The following PDIA6 variants were observed in gnomAD, a reference collection of about 807,000 sequenced individuals.
PDIA6 encodes protein disulfide-isomerase A6.
In PDIA6, 29 loss-of-function variants were observed where a neutral mutation model predicts 58.4. The ratio of observed to expected loss-of-function variants is 0.50; its 90% CI spans 0.37 to 0.68. The LOEUF is 0.68. PDIA6 is among the 30% of genes least tolerant of loss of function. The pLI is 0.00. For synonymous variants in PDIA6, 192 were observed against 202.6 expected, an observed-to-expected ratio of 0.95 and a Z score of 0.44; for missense variants, 480 against 551.0, an observed-to-expected ratio of 0.87 and a Z score of 1.29.
At chr2:10,787,878 A>G (rs1665847459) in intron 10 of PDIA6, among the ~76,000 whole-genome samples, 1 of 152,120 alleles carries the variant, frequency 6.6e-6, no homozygotes, top group African/African-American at 2.4e-5. Context: ...CAGCCTGACC[A>G]ATATGGTGCA....
upstream of PDIA6, among the ~76,000 whole-genome samples, chr2:10,835,775 G>A (rs1441204778): frequency 1.3e-5 from 2 of 152,208 alleles, no homozygotes; most frequent in Admixed American, 1.3e-4. Flanking sequence ...GAGGGGGCCG[G>A]GCGCGGTGGC....
At chr2:10,797,786 CA>C (rs1438262248) in intron 2 of PDIA6, 29 bp from the exon 3 acceptor site, 22 of 1,563,700 alleles carry the variant, frequency 1.4e-5, no homozygotes, top group Non-Finnish European at 1.7e-5. Context: ...ACAAAGCAAC[CA>C]TTAAAGCCTT....
upstream of PDIA6, among the ~76,000 whole-genome samples, chr2:10,813,006 G>C (rs1434575713): frequency 1.3e-5 from 2 of 152,128 alleles, no homozygotes; most frequent in Non-Finnish European, 2.9e-5. Flanking sequence ...GGCAGTCTCG[G>C]CTCGCACCGC....
chr2:10,787,457 T>C lies in PDIA6; in HGVS notation c.999-18A>G, dbSNP rs775898895. 6.3e-7 allele frequency: 1 copy of C among 1,599,432 alleles called. No homozygotes were observed. The highest frequency in any genetic ancestry group is 1.1e-5 in the South Asian group (1 of 89,154). On this transcript the variant is annotated intron_variant, in intron 10 of 12. Transcript: ENST00000272227. ...ACAGCCACCTAGAAAACCAGACTGG[T>C]TTTTAGGGCAAATATGTCTTTTAAA...
chr2:10,795,288 T>A (rs1455799704), intron 4 of PDIA6, among the ~76,000 whole-genome samples: 1 of 152,192 alleles, frequency 6.6e-6, no homozygotes, highest in Non-Finnish European at 1.5e-5. Flanking sequence ...TGTGTTCCAA[T>A]AAACTAAATT....
intron 1 of PDIA6, among the ~76,000 whole-genome samples, chr2:10,831,073 C>T (rs1406594349): frequency 6.6e-6 from 1 of 152,214 alleles, no homozygotes; most frequent in Non-Finnish European, 1.5e-5. Context: ...CTGCTTCCAG[C>T]CGCTGGTGAG....
chr2:10,812,934 T>A, upstream of PDIA6: 1 of 875,956 alleles, frequency 1.1e-6, no homozygotes, highest in South Asian at 6.0e-5. Flanking sequence ...GTTACCGGTT[T>A]GGTTTTTTTT....
rs1394529616 is a variant in PDIA6, at chr2:10,787,453, C to T, written c.999-14G>A. 2 of 1,603,920 alleles carry T rather than the reference C, an allele frequency of 1.2e-6. No individual in the cohort carries two copies. The highest frequency in any genetic ancestry group is 4.5e-5 in the East Asian group (2 of 44,704). On this transcript the variant is annotated splice_polypyrimidine_tract_variant and intron_variant, in intron 10 of 12. Transcript: ENST00000272227. Reference sequence around the variant, plus strand: ...GTCCACAGCCACCTAGAAAACCAGACTGGTTTTTAGGGCAAATATGTCTTT... The same window carrying T: ...GTCCACAGCCACCTAGAAAACCAGATTGGTTTTTAGGGCAAATATGTCTTT...
chr2:10,810,599 T>G (rs1335755723), intron 1 of PDIA6, among the ~76,000 whole-genome samples: 1 of 152,088 alleles, frequency 6.6e-6, no homozygotes, highest in Non-Finnish European at 1.5e-5. Flanking sequence ...CCTCCTCTGC[T>G]TGTACACGGC....
intron 4 of PDIA6, among the ~76,000 whole-genome samples, chr2:10,796,590 G>T (rs1263846716): frequency 6.6e-6 from 1 of 151,832 alleles, no homozygotes; most frequent in African/African-American, 2.4e-5. Flanking sequence ...TCTTTCTTTA[G>T]TTGCCTCAGT....
chr2:10,787,332 A>T lies in PDIA6; in HGVS notation c.1106T>A (p.Phe369Tyr), dbSNP rs1328452201. ...MAAINARKMKFALLKGSFSEQ... is the reference protein window; with the variant it reads ...MAAINARKMKYALLKGSFSEQ... ...ACTGAAGGAGCCTTTTAGCAGAGCA[A>T]ATTTCATCTTGCGTGCATTGATGGC... Residue 369 changes from phenylalanine (F) to tyrosine (Y), a missense_variant, in exon 11 of 13, where the codon TTT becomes TAT. By Grantham distance (22) the Phe-to-Tyr change is conservative. Coordinates refer to ENST00000272227, the MANE Select transcript of PDIA6 (RefSeq NM_005742.4). 2 of 1,614,180 alleles carry T rather than the reference A, an allele frequency of 1.2e-6. No homozygotes were observed. Among genetic ancestry groups the T allele is most frequent in the East Asian group, 4.5e-5 (2 of 44,890 alleles).
chr2:10,791,713 C>G (rs1280557460), intron 6 of PDIA6, 82 bp downstream of exon 6: 2 of 1,259,308 alleles, frequency 1.6e-6, no homozygotes, highest in African/African-American at 3.0e-5. Flanking sequence ...GATCTATTAT[C>G]TACTTCAGCT....
intron 1 of PDIA6, chr2:10,823,241 C>T (rs919039486): frequency 6.6e-6 from 1 of 152,256 alleles, no homozygotes; most frequent in African/African-American, 2.4e-5. Context: ...GAATGAAGCT[C>T]TCTCTTCTCC....
intron 5 of PDIA6, among the ~76,000 whole-genome samples, chr2:10,792,723 A>C (rs959858884): frequency 8.6e-6 from 1 of 116,572 alleles, no homozygotes; most frequent in African/African-American, 2.6e-5. Flanking sequence ...CCACAGATAC[A>C]GGCCAAGAGG....
chr2:10,784,196 C>A lies in PDIA6; in HGVS notation c.*62G>T. 1 of 1,344,886 alleles carries A rather than the reference C, an allele frequency of 7.4e-7. No homozygotes were observed. The highest frequency in any genetic ancestry group is 1.1e-6 in the Non-Finnish European group (1 of 950,040). The allele number at this position is 1,344,886 out of a possible 1,614,324, so 83.3% of individuals were successfully genotyped here. A position where few individuals can be genotyped will look rare whatever the true frequency, so the allele number is the denominator to read the frequency against. ...TCTGAGTGTAGAGAATGTCCCTTCA[C>A]TGCTGGAAAAATCCACTGGCTCCCA... On this transcript the variant is annotated 3_prime_UTR_variant, in exon 13 of 13. Transcript: ENST00000272227.
At chr2:10,788,000 A>G (rs984373177) in intron 10 of PDIA6, among the ~76,000 whole-genome samples, 3 of 148,350 alleles carry the variant, frequency 2.0e-5, no homozygotes, top group African/African-American at 7.4e-5. Context: ...CGGGAGGCGG[A>G]GGTTGCAGTA....
chr2:10,804,779 C>T (rs1233667440), intron 1 of PDIA6, among the ~76,000 whole-genome samples: 2 of 132,864 alleles, frequency 1.5e-5, no homozygotes, highest in African/African-American at 2.6e-5. Flanking sequence ...GCCATTTTCA[C>T]GATATTGATT....
intron 2 of PDIA6, among the ~76,000 whole-genome samples, chr2:10,798,979 A>G (rs1481129549): frequency 1.3e-5 from 2 of 152,216 alleles, no homozygotes; most frequent in African/African-American, 4.8e-5. Flanking sequence ...ATGACGTGAC[A>G]CCACAAGATG....
At chr2:10,813,351 C>T (rs916220578), upstream of PDIA6, among the ~76,000 whole-genome samples, 3 of 152,234 alleles carry the variant, frequency 2.0e-5, no homozygotes, top group African/African-American at 4.8e-5. Context: ...GAGCCTTCTC[C>T]TCCTTCTCTG....
Sources: gnomAD v4.1 joint callset for allele counts (sites outside exome capture counted in the v4.1 genomes callset) on GRCh38, gnomAD v4.1.1 for gene constraint, MANE v1.5 for transcripts, NCBI Gene and HGNC (gene_info 2026-07-23, HGNC 2026-07-21) for gene names.